Variants in BRAF observed in about 807,000 individuals in gnomAD.
The protein encoded by BRAF is serine/threonine-protein kinase B-raf.
Under a neutral mutation model 104.6 loss-of-function variants are expected in BRAF, and 16 were observed. That is an observed-to-expected ratio of 0.15 (90% CI 0.10 to 0.23). The LOEUF is 0.23. Ranked by LOEUF, BRAF falls within the 10% of genes least tolerant of loss-of-function variation. BRAF has a pLI of 1.00. For synonymous variants in BRAF, 310 were observed against 341.6 expected, an observed-to-expected ratio of 0.91 and a Z score of 1.02; for missense variants, 541 against 937.3, an observed-to-expected ratio of 0.58 and a Z score of 5.52.
At chr7:140,852,292 C>G in intron 1 of BRAF, among the ~76,000 whole-genome samples, 1 of 151,544 alleles carries the variant, frequency 6.6e-6, no homozygotes. Flanking sequence ...TTACCTGAGC[C>G]CAGGAGGTTG....
At chr7:140,906,862 G>T (rs1270796999) in intron 1 of BRAF, among the ~76,000 whole-genome samples, 1 of 152,050 alleles carries the variant, frequency 6.6e-6, no homozygotes, top group Non-Finnish European at 1.5e-5. Context: ...TTGTATCTGG[G>T]TTTATGCAGT....
At chr7:140,808,206 T>C in intron 4 of BRAF, 144 bp from the exon 5 acceptor site, 1 of 703,070 alleles carries the variant, frequency 1.4e-6, no homozygotes, top group South Asian at 1.5e-5. Context: ...CGTTAGAAAT[T>C]TAAATGGCAA....
intron 1 of BRAF, among the ~76,000 whole-genome samples, chr7:140,895,609 C>T (rs1263968707): frequency 2.6e-5 from 4 of 152,180 alleles, no homozygotes; most frequent in Admixed American, 2.6e-4. Context: ...CCCGAGTATC[C>T]TCTGTTATAC....
intron 11 of BRAF, among the ~76,000 whole-genome samples, 191 bp from the exon 11 acceptor site, chr7:140,781,884 A>G (rs1800912519): frequency 6.6e-6 from 1 of 152,210 alleles, no homozygotes; most frequent in Non-Finnish European, 1.5e-5. Context: ...ACTGAAGTCA[A>G]TATTAGGATG....
chr7:140,765,451 G>C (rs1343114902), intron 14 of BRAF, among the ~76,000 whole-genome samples: 4 of 152,128 alleles, frequency 2.6e-5, no homozygotes, highest in Non-Finnish European at 4.4e-5. Context: ...GGACAAATGG[G>C]ATCTAACTAA....
chr7:140,901,137 G>A (rs1815582656), intron 1 of BRAF, among the ~76,000 whole-genome samples: 1 of 152,120 alleles, frequency 6.6e-6, no homozygotes, highest in Non-Finnish European at 1.5e-5. Flanking sequence ...AGCTTCCTAT[G>A]TTAAAAGAAA....
chr7:140,815,100 T>G (rs1253485293), intron 3 of BRAF, among the ~76,000 whole-genome samples: 1 of 151,804 alleles, frequency 6.6e-6, no homozygotes, highest in Non-Finnish European at 1.5e-5. Context: ...TAATTTAACT[T>G]AATGCCAAGT....
intron 1 of BRAF, among the ~76,000 whole-genome samples, chr7:140,880,473 T>C (rs1318333057): frequency 2.0e-5 from 3 of 152,180 alleles, no homozygotes; most frequent in African/African-American, 7.2e-5. Flanking sequence ...AGCATTAGAA[T>C]GAACTTCTTC....
intron 2 of BRAF, among the ~76,000 whole-genome samples, chr7:140,840,453 G>A (rs1807825302): frequency 6.6e-6 from 1 of 151,978 alleles, no homozygotes; most frequent in East Asian, 1.9e-4. Flanking sequence ...ACCACAGAAT[G>A]GGAGAAAATA....
chr7:140,798,580 T>TA (rs1167772450), intron 7 of BRAF, among the ~76,000 whole-genome samples: 1 of 139,578 alleles, frequency 7.2e-6, no homozygotes, highest in Admixed American at 7.0e-5. Context: ...TTTTTTTTTT[T>TA]AAAGCATGTG....
At chr7:140,871,063 TAAAAATACAAAA>T (rs565748530) in intron 1 of BRAF, among the ~76,000 whole-genome samples, 271 of 150,164 alleles carry the variant, frequency 1.8e-3, no homozygotes, top group South Asian at 0.014. Flanking sequence ...CTGTCTCTAC[TAAAAATACAAAA>T]AAAAATACAA....
At chr7:140,846,624 G>T (rs1320463804) in intron 2 of BRAF, among the ~76,000 whole-genome samples, 1 of 151,870 alleles carries the variant, frequency 6.6e-6, no homozygotes, top group African/African-American at 2.4e-5. Context: ...AAACATGAAT[G>T]GACTTAATGC....
At chr7:140,751,131 C>T (rs1247522094) in intron 16 of BRAF, among the ~76,000 whole-genome samples, 4 of 151,908 alleles carry the variant, frequency 2.6e-5, no homozygotes, top group African/African-American at 7.3e-5. Context: ...TAAAACTCAG[C>T]ATGAAAGAAT....
At chr7:140,783,273 A>C in intron 10 of BRAF, 116 bp from the exon 10 acceptor site, 1 of 1,304,914 alleles carries the variant, frequency 7.7e-7, no homozygotes, top group Non-Finnish European at 1.0e-6. Context: ...GCATGTTTAA[A>C]TATAGACCTT....
chr7:140,832,634 T>C (rs1013286165), intron 3 of BRAF, among the ~76,000 whole-genome samples: 1 of 152,226 alleles, frequency 6.6e-6, no homozygotes, highest in African/African-American at 2.4e-5. Context: ...TTCTGAGTAT[T>C]GAATACGAAT....
intron 4 of BRAF, 95 bp downstream of exon 4, chr7:140,808,797 A>G (rs995414169): frequency 1.2e-5 from 12 of 1,004,906 alleles, no homozygotes; most frequent in South Asian, 1.0e-4. Flanking sequence ...TACACTTTCA[A>G]TTCCCTAGGT....
intron 19 of BRAF, among the ~76,000 whole-genome samples, chr7:140,727,181 TTTTC>T (rs1377086873): frequency 1.2e-5 from 1 of 80,358 alleles, no homozygotes; most frequent in East Asian, 2.8e-4. Flanking sequence ...GCCATTATTT[TTTTC>T]TTTTTTTTTT....
intron 14 of BRAF, among the ~76,000 whole-genome samples, chr7:140,755,302 C>T (rs1798115168): frequency 6.6e-6 from 1 of 152,086 alleles, no homozygotes; most frequent in Non-Finnish European, 1.5e-5. Context: ...AGCTATATGA[C>T]ACTTCTGAAA....
chr7:140,903,234 G>A (rs530238967), intron 1 of BRAF, among the ~76,000 whole-genome samples: 1 of 152,154 alleles, frequency 6.6e-6, no homozygotes, highest in Non-Finnish European at 1.5e-5. Flanking sequence ...CCTAGGACAC[G>A]ATGACTCTTA....
Sources: allele counts gnomAD v4.1 joint callset (sites outside exome capture counted in the v4.1 genomes callset), GRCh38; gene constraint gnomAD v4.1.1; transcripts MANE v1.5; gene names NCBI Gene and HGNC (gene_info 2026-07-23, HGNC 2026-07-21).